NKPD1: variants seen among roughly 807,000 people sequenced by gnomAD.
NKPD1 encodes NTPase KAP family P-loop domain-containing protein 1.
Under a neutral mutation model 42.2 loss-of-function variants are expected in NKPD1, and 37 were observed. That is an observed-to-expected ratio of 0.88 (90% CI 0.67 to 1.15). The LOEUF (loss-of-function observed/expected upper bound fraction) is 1.15. NKPD1 is among the 50% of genes most tolerant of loss of function. The pLI, the probability that NKPD1 is intolerant of heterozygous loss-of-function variation, is 0.00. For synonymous variants in NKPD1, 552 were observed against 536.5 expected (o/e 1.03, Z -0.40); for missense variants, 1,113 against 1,174.6 (o/e 0.95, Z 0.77).
Position 45,158,644 on chromosome 19 carries a change from A to G in NKPD1, c.529+19T>C. 1.7e-6 allele frequency: 2 copies of G among 1,156,092 alleles called. No individual in the cohort carries two copies. The highest frequency in any genetic ancestry group is 2.2e-6 in the Non-Finnish European group (2 of 926,526). The allele number at this position is 1,156,092 out of a possible 1,614,324, so 71.6% of individuals were successfully genotyped here. On this transcript the variant is annotated intron_variant, in intron 3 of 4. Coordinates refer to ENST00000686631, the MANE Select transcript of NKPD1 (RefSeq NM_198478.4). This position sits in a 1 kb window ranked among gnomAD's most constrained non-coding sequence, Gnocchi z 4.6. ...GGCAGGAGTGGGGACAGGGCCCCCA[A>G]GAAGGCCAGGGTGAGCACCGGAGCT...
In NKPD1 at chr19:45,153,759, C is replaced by T; in HGVS notation, c.678G>A (p.Glu226=). Residue 226 remains glutamate, a synonymous_variant, in exon 5 of 5, where the codon GAG becomes GAA. Coordinates refer to ENST00000686631, the MANE Select transcript of NKPD1 (RefSeq NM_198478.4). ...GCTCCTCGCTCTCGCGCTGCGCGGC[C>T]TCCTGCTGCATCAGCGCTGCGGGAA... ...LDKITALMQQ[E]AAQRESEELQ... 1.3e-6 allele frequency: 2 copies of T among 1,492,476 alleles called. No individual in the cohort carries two copies. Among genetic ancestry groups the T allele is most frequent in the Middle Eastern group, 4.3e-4 (2 of 4,654 alleles). 92.5% of individuals were successfully genotyped at this position (1,492,476 alleles called of 1,614,324 possible).
rs751345802 is a variant in NKPD1 at position 45,153,206 on chromosome 19, T to C, written c.1231A>G (p.Ile411Val). Residue 411 changes from isoleucine to valine, a missense_variant, in exon 5 of 5, where the codon ATC becomes GTC. Around this residue, in one of 3 missense-constraint regions of NKPD1, gnomAD observed 867 missense variants for 870.1 expected, o/e 1.00. Coordinates refer to ENST00000686631, the MANE Select transcript of NKPD1 (RefSeq NM_198478.4). ...KHLFVSQRKKIERLVSREKFG... is the reference protein window; with the variant it reads ...KHLFVSQRKKVERLVSREKFG... The stretch of plus-strand genomic sequence containing the variant: ...TTTTCACGCGACACCAGCCGCTCGA[T>C]CTTCTTGCGCTGGCTTACGAACAGG... 5.0e-6 allele frequency: 8 copies of C among 1,593,800 alleles called. No homozygotes were observed. Among genetic ancestry groups the C allele is most frequent in the Admixed American group, 1.7e-5 (1 of 57,392 alleles).
Position 45,152,758 on chromosome 19 carries a change from G to A in NKPD1, c.1679C>T (p.Pro560Leu), listed in dbSNP as rs757630488. ...GCCCCCGGCGTCCCCCGGCAGCCAC[G>A]GCTTGCGCGTCATCTCGCGGTACAA... ...DLLYREMTRK[P>L]WLPGDAGGES... is the part of the protein sequence containing the mutation. The change falls in exon 5 of 5, where the codon CCG (proline) becomes CTG (leucine). Residue 560 changes from proline to leucine, a missense_variant. Physicochemically the swap from Pro to Leu is moderately conservative, Grantham distance 98 (BLOSUM62 -3). This residue lies in a region of NKPD1 where 867 missense variants were observed against 870.1 expected (regional missense o/e 1.00). Coordinates refer to ENST00000686631, the MANE Select transcript of NKPD1 (RefSeq NM_198478.4). 2 of 1,594,918 alleles carry A rather than the reference G, an allele frequency of 1.3e-6. No individual in the cohort carries two copies. Among genetic ancestry groups the A allele is most frequent in the East Asian group, 4.6e-5 (2 of 43,416 alleles).
intron 3 of NKPD1, among the ~76,000 whole-genome samples, chr19:45,156,280 C>A (rs1201258263): frequency 6.6e-6 from 1 of 152,214 alleles, no homozygotes; most frequent in Non-Finnish European, 1.5e-5. Flanking sequence ...ACGAGGCCCT[C>A]AGATGCCAAG....
Position 45,151,790 on chromosome 19 carries a change from G to T in NKPD1, c.*148C>A. 1 of 831,488 alleles carries T rather than the reference G, an allele frequency of 1.2e-6. No individual in the cohort carries two copies. Among genetic ancestry groups the T allele is most frequent in the East Asian group, 3.0e-5 (1 of 33,270 alleles). The allele number at this position is 831,488 out of a possible 1,614,324, so 51.5% of individuals were successfully genotyped here. A position where few individuals can be genotyped will look rare whatever the true frequency, so the allele number is the denominator to read the frequency against. ...TGTGGCCGCACTCCTTGGAAGCTAT[G>T]TCCACGGCTCTGGCTCAGGTTCACC... On this transcript the variant is annotated 3_prime_UTR_variant, in exon 5 of 5. Transcript: ENST00000686631.
chr19:45,157,615 T>C (rs1299799363), intron 3 of NKPD1, among the ~76,000 whole-genome samples: 2 of 151,986 alleles, frequency 1.3e-5, no homozygotes, highest in African/African-American at 2.4e-5. Context: ...AGGGCATAAC[T>C]ATGCTGCCCA....
chr19:45,153,917 C>T (rs1968853300), intron 4 of NKPD1, 142 bp from the exon 5 acceptor site: 1 of 821,070 alleles, frequency 1.2e-6, no homozygotes, highest in Non-Finnish European at 1.7e-6. Context: ...CGCGGCCGCT[C>T]CTTAAAGAGC....
chr19:45,155,768 C>A lies in NKPD1; in HGVS notation c.661+17G>T. The stretch of plus-strand genomic sequence containing the variant: ...TGTTTCTCATCCTCCCCCCAACAAA[C>A]ACACACAGCTCCTCACCCGTGATCT... On this transcript the variant is annotated intron_variant, in intron 4 of 4. Transcript: ENST00000686631. 2.3e-6 allele frequency: 3 copies of A among 1,292,120 alleles called. No homozygotes were observed. The highest frequency in any genetic ancestry group is 3.1e-6 in the Non-Finnish European group (3 of 978,234). 80.0% of individuals were successfully genotyped at this position (1,292,120 alleles called of 1,614,324 possible).
At position 45,153,615 on chromosome 19, in the gene NKPD1, C is replaced by A. The variant is rs1968842735; in HGVS notation, c.822G>T (p.Val274=). The change falls in exon 5 of 5, where the codon GTG becomes GTT. Residue 274 remains valine (V), a synonymous_variant. Coordinates refer to ENST00000686631, the MANE Select transcript of NKPD1 (RefSeq NM_198478.4). Reference sequence around the variant, plus strand: ...CGCTAAAGCGGATGAAAAGGAACTGCACGTTCCTGCGCCGCAGGTGCACCT... The same window carrying A: ...CGCTAAAGCGGATGAAAAGGAACTGAACGTTCCTGCGCCGCAGGTGCACCT... The part of the protein sequence containing the change: ...ITEVHLRRRN[V]QFLFIRFSAW... The A allele has an allele frequency of 6.3e-7, 1 of 1,577,900 alleles. No individual in the cohort carries two copies. Among genetic ancestry groups the A allele is most frequent in the Non-Finnish European group, 8.6e-7 (1 of 1,160,140 alleles).
Position 45,153,515 on chromosome 19 carries a change from A to T in NKPD1, c.922T>A (p.Tyr308Asn). ...TACACGCTGAAGGGCAGTGCGCCATAGTGGCGGCGGATGCCCTCGCACAAC... is the reference window on the plus strand; with the variant it reads ...TACACGCTGAAGGGCAGTGCGCCATTGTGGCGGCGGATGCCCTCGCACAAC... ...TTLCEGIRRH[Y>N]GALPFSVYSV... The change falls in exon 5 of 5, where the codon TAT becomes AAT. Residue 308 changes from tyrosine (Y) to asparagine (N), a missense_variant. This residue lies in a region of NKPD1 where 867 missense variants were observed against 870.1 expected (regional missense o/e 1.00). Coordinates refer to ENST00000686631, the MANE Select transcript of NKPD1 (RefSeq NM_198478.4). 1 of 1,552,410 alleles carries T rather than the reference A, an allele frequency of 6.4e-7. No homozygotes were observed. The highest frequency in any genetic ancestry group is 8.7e-7 in the Non-Finnish European group (1 of 1,148,456).
At chr19:45,153,921 A>G in intron 4 of NKPD1, 146 bp from the exon 5 acceptor site, 2 of 783,330 alleles carry the variant, frequency 2.6e-6, no homozygotes, top group Non-Finnish European at 3.6e-6. Context: ...GCCGCTCCTT[A>G]AAGAGCTGGA....
rs1445334314 is a variant in NKPD1 at position 45,153,669 on chromosome 19, G to C, written c.768C>G (p.Tyr256Ter). Reference protein sequence around the residue: ...SGWGVPQLLWYLVFLQPIITE... With the variant: ...SGWGVPQLLW ...TGATGATGGGCTGCAGGAACACCAG[G>C]TACCACAGTAGCTGCGGGACGCCCC... The change falls in exon 5 of 5, where the codon TAC becomes TAG. Residue 256 changes from tyrosine (Y) to a stop codon, truncating the protein, a stop_gained. Coordinates refer to ENST00000686631, the MANE Select transcript of NKPD1 (RefSeq NM_198478.4). LOFTEE classifies it high-confidence loss of function. 1.3e-6 allele frequency: 2 copies of C among 1,572,816 alleles called. No individual in the cohort carries two copies. The highest frequency in any genetic ancestry group is 1.3e-5 in the African/African-American group (1 of 74,280).
At chr19:45,162,197 C>G (rs143638520), upstream of NKPD1, among the ~76,000 whole-genome samples, 839 of 152,256 alleles carry the variant, frequency 5.5e-3, 11 homozygotes, top group African/African-American at 0.019. Context: ...GCACAGTGGC[C>G]AGGAGGCTGC....
At chr19:45,159,247 C>T (rs888342924) in intron 2 of NKPD1, 147 bp from the exon 3 acceptor site, 8 of 726,356 alleles carry the variant, frequency 1.1e-5, no homozygotes, top group South Asian at 3.9e-5. Flanking sequence ...AGATTATGTG[C>T]GGGGGAGGTA....
rs1209047536 is a variant in NKPD1 at position 45,155,912 on chromosome 19, G to A, written c.534C>T (p.Ile178=). Residue 178 remains isoleucine, a synonymous_variant, in exon 4 of 5, where the codon ATC becomes ATT. Coordinates refer to ENST00000686631, the MANE Select transcript of NKPD1 (RefSeq NM_198478.4). ...CGSFTAYSSD[I]LTEDDVYCSC... ...TGCAGTAGACGTCATCCTCTGTCAG[G>A]ATGTCTGGTGGTTGGGAGTGGGGAC... 4 of 1,304,800 alleles carry A rather than the reference G, an allele frequency of 3.1e-6. No individual in the cohort carries two copies. The Admixed American group carries it at 6.9e-5, about 22-fold the overall frequency. 80.8% of individuals were successfully genotyped at this position (1,304,800 alleles called of 1,614,324 possible).
In NKPD1 at chr19:45,158,739, CAGG is replaced by C. The variant is rs1309722157; in HGVS notation, c.450_452del (p.Leu151del). 6.6e-6 allele frequency: 8 copies of C among 1,209,350 alleles called. No homozygotes were observed. Among genetic ancestry groups the C allele is most frequent in the Non-Finnish European group, 8.5e-6 (8 of 945,816 alleles). The allele number at this position is 1,209,350 out of a possible 1,614,324, so 74.9% of individuals were successfully genotyped here. On this transcript the variant is annotated inframe_deletion, in exon 3 of 5. Transcript: ENST00000686631. This position sits in a 1 kb window ranked among gnomAD's most constrained non-coding sequence, Gnocchi z 4.6. ...GGGCATCAGTGGGCTCGCTGGGCTTCAGGAGGACGCCAGCCGCGGAGGGTAGAG... is the reference window on the plus strand; with the variant it reads ...GGGCATCAGTGGGCTCGCTGGGCTTCAGGACGCCAGCCGCGGAGGGTAGAG...
Position 45,158,473 on chromosome 19 carries a change from T to C in NKPD1, c.529+190A>G, listed in dbSNP as rs1177213148. On this transcript the variant is annotated intron_variant, in intron 3 of 4. Transcript: ENST00000686631. The surrounding 1 kb of genome is among the most constrained non-coding windows in gnomAD (Gnocchi z 4.6). ...CGGGGCAGGCCTGGCCTGGAAGCCTTGGACCCCAACAGGCAAAGCTGAGGC... is the reference window on the plus strand; with the variant it reads ...CGGGGCAGGCCTGGCCTGGAAGCCTCGGACCCCAACAGGCAAAGCTGAGGC... 6.6e-6 allele frequency among the ~76,000 whole-genome samples: 1 copy of C among 152,186 alleles called. No individual in the cohort carries two copies. Among genetic ancestry groups the C allele is most frequent in the Non-Finnish European group, 1.5e-5 (1 of 68,024 alleles).
chr19:45,157,261 G>A (rs1415278783), intron 3 of NKPD1, among the ~76,000 whole-genome samples: 5 of 152,202 alleles, frequency 3.3e-5, no homozygotes, highest in Admixed American at 1.3e-4. Flanking sequence ...CCGAAGTACT[G>A]GCTCCTTGCT....
rs1267876328 is a variant in NKPD1, at chr19:45,158,921, A to T, written c.271T>A (p.Ser91Thr). ...CGCTGCCGCAGGGGGCTGGGAGGTG[A>T]GGGCTGGGACTGGGGCTGCCGCTGC... ...QQQRQPQSQP[S>T]PPSPLRQRLC... The change falls in exon 3 of 5, where the codon TCA becomes ACA. Residue 91 changes from serine (S) to threonine (T), a missense_variant. By Grantham distance (58) the Ser-to-Thr change is moderately conservative. Transcript: ENST00000686631. This position sits in a 1 kb window ranked among gnomAD's most constrained non-coding sequence, Gnocchi z 4.6. 5 of 1,296,502 alleles carry T rather than the reference A, an allele frequency of 3.9e-6. 1 individual carries two copies. In the South Asian group the frequency reaches 6.2e-5, roughly 16 times the overall value. 80.3% of individuals were successfully genotyped at this position (1,296,502 alleles called of 1,614,324 possible).
Sources: gnomAD v4.1 joint callset for allele counts (sites outside exome capture counted in the v4.1 genomes callset) on GRCh38, gnomAD v4.1.1 for gene constraint, gnomAD v4.1.1 regional missense constraint, Gnocchi (gnomAD v3.1) non-coding constraint, MANE v1.5 for transcripts, NCBI Gene and HGNC (gene_info 2026-07-23, HGNC 2026-07-21) for gene names.